Variants in FRAS1 observed in about 807,000 individuals in gnomAD.
The protein encoded by FRAS1 is Fraser extracellular matrix complex subunit 1.
A neutral mutation model predicts 435.2 loss-of-function variants in FRAS1; 290 were observed. That is an observed-to-expected ratio of 0.67 (90% CI 0.61 to 0.73). FRAS1 has a LOEUF of 0.73. Ranked by LOEUF, FRAS1 falls within the 30% of genes least tolerant of loss-of-function variation. FRAS1 has a pLI of 0.00. For synonymous variants in FRAS1, 1,800 were observed against 1,851.0 expected, an observed-to-expected ratio of 0.97 and a Z score of 0.71; for missense variants, 4,860 against 5,001.5, an observed-to-expected ratio of 0.97 and a Z score of 0.85.
At chr4:78,416,652 C>T (rs1325318421) in intron 32 of FRAS1, among the ~76,000 whole-genome samples, 1 of 152,126 alleles carries the variant, frequency 6.6e-6, no homozygotes, top group Admixed American at 6.5e-5. Context: ...AGTGAATTCA[C>T]AGATGTGATA....
intron 2 of FRAS1, among the ~76,000 whole-genome samples, chr4:78,230,381 C>T (rs1408317857): frequency 2.0e-5 from 3 of 152,174 alleles, no homozygotes; most frequent in Non-Finnish European, 2.9e-5. Context: ...CTTTTCTTAG[C>T]GGTAAGTGTC....
chr4:78,540,658 C>G lies in FRAS1; in HGVS notation c.11573C>G (p.Pro3858Arg). 1 of 1,611,780 alleles carries G rather than the reference C, an allele frequency of 6.2e-7. No individual in the cohort carries two copies. Among genetic ancestry groups the G allele is most frequent in the Non-Finnish European group, 8.5e-7 (1 of 1,178,648 alleles). Residue 3858 changes from proline to arginine, a missense_variant, in exon 74 of 74, where the codon CCC becomes CGC. Physicochemically the swap from Pro to Arg is moderately radical, Grantham distance 103 (BLOSUM62 -2). Transcript: ENST00000512123. ...LRRNRRDLVE[P>R]DGQLILDDSL... ...CGCAACCGAAGGGACCTGGTAGAGC[C>G]CGATGGCCAGCTGATCCTTGATGAT... is the stretch of plus-strand genomic sequence containing the variant.
intron 2 of FRAS1, among the ~76,000 whole-genome samples, chr4:78,215,703 C>A (rs1723738201): frequency 6.6e-6 from 1 of 152,172 alleles, no homozygotes; most frequent in South Asian, 2.1e-4. Context: ...TGGAACCATA[C>A]AGCATTTGTC....
intron 9 of FRAS1, among the ~76,000 whole-genome samples, chr4:78,268,324 G>A (rs6834011): frequency 6.6e-6 from 1 of 152,132 alleles, no homozygotes; most frequent in Non-Finnish European, 1.5e-5. Flanking sequence ...CATCGGCAGG[G>A]TTATTTTTCA....
At chr4:78,456,941 T>C (rs1424950987) in intron 47 of FRAS1, among the ~76,000 whole-genome samples, 1 of 152,118 alleles carries the variant, frequency 6.6e-6, no homozygotes, top group Non-Finnish European at 1.5e-5. Context: ...ACAACACAAC[T>C]CTCAACACCT....
chr4:78,143,098 A>G (rs892531323), intron 2 of FRAS1, among the ~76,000 whole-genome samples: 1 of 152,140 alleles, frequency 6.6e-6, no homozygotes, highest in African/African-American at 2.4e-5. Flanking sequence ...ACCTAACTAT[A>G]TGGTGCTTAA....
At chr4:78,308,805 G>C (rs757332801) in intron 15 of FRAS1, among the ~76,000 whole-genome samples, 38 of 152,186 alleles carry the variant, frequency 2.5e-4, no homozygotes, top group African/African-American at 2.7e-4. Flanking sequence ...CATGGCTTTC[G>C]GCACATTAGT....
At chr4:78,315,562 C>T in intron 15 of FRAS1, 32 bp from the exon 16 acceptor site, 1 of 1,591,348 alleles carries the variant, frequency 6.3e-7, no homozygotes, top group Non-Finnish European at 8.6e-7. Flanking sequence ...TCACTATTGC[C>T]TTTCTCTGAT....
chr4:78,256,948 G>T (rs1463910077), intron 6 of FRAS1, among the ~76,000 whole-genome samples: 2 of 152,090 alleles, frequency 1.3e-5, no homozygotes, highest in African/African-American at 4.8e-5. Flanking sequence ...TGGATGTTCT[G>T]ATGATCCAAA....
At chr4:78,255,572 C>A (rs186533004) in intron 6 of FRAS1, among the ~76,000 whole-genome samples, 197 bp downstream of exon 6, 51 of 152,324 alleles carry the variant, frequency 3.3e-4, no homozygotes, top group Admixed American at 1.6e-3. Flanking sequence ...TAATTACCAG[C>A]CACTTAGGCT....
intron 47 of FRAS1, among the ~76,000 whole-genome samples, chr4:78,454,234 A>T (rs79357136): frequency 0.026 from 3,924 of 151,954 alleles, 172 homozygotes; most frequent in African/African-American, 0.09. Flanking sequence ...ATCCTGAGGC[A>T]GGTTCCGTCA....
chr4:78,378,121 T>C (rs1731854667), intron 26 of FRAS1, among the ~76,000 whole-genome samples: 1 of 152,122 alleles, frequency 6.6e-6, no homozygotes, highest in Non-Finnish European at 1.5e-5. Context: ...TCTCCTTCTG[T>C]CTCTAGGTAT....
intron 31 of FRAS1, 114 bp downstream of exon 31, chr4:78,407,955 G>GA: frequency 1.1e-6 from 1 of 886,506 alleles, no homozygotes; most frequent in Non-Finnish European, 1.7e-6. Context: ...ACATTTGGGG[G>GA]ACGTGTTAGT....
chr4:78,457,286 GC>G (rs1719231113), intron 47 of FRAS1, among the ~76,000 whole-genome samples: 1 of 152,184 alleles, frequency 6.6e-6, no homozygotes, highest in South Asian at 2.1e-4. Context: ...TTAGTGCTTA[GC>G]AAAGGCAAAC....
intron 50 of FRAS1, among the ~76,000 whole-genome samples, chr4:78,469,131 A>AT (rs1719628010): frequency 6.6e-6 from 1 of 152,224 alleles, no homozygotes; most frequent in African/African-American, 2.4e-5. Flanking sequence ...ATTTCAGGAT[A>AT]TATCAGCAAG....
At chr4:78,455,669 A>G (rs1463029957) in intron 47 of FRAS1, among the ~76,000 whole-genome samples, 1 of 152,156 alleles carries the variant, frequency 6.6e-6, no homozygotes, top group Non-Finnish European at 1.5e-5. Flanking sequence ...CTTCTTCCCC[A>G]TAGGAGATGT....
chr4:78,215,640 C>T (rs1033485968), intron 2 of FRAS1, among the ~76,000 whole-genome samples: 8 of 152,180 alleles, frequency 5.3e-5, no homozygotes, highest in African/African-American at 1.2e-4. Flanking sequence ...CCTTGGCAAC[C>T]TCCATTCTAT....
rs1282059852 is a variant in FRAS1 at position 78,337,662 on chromosome 4, T to C, written c.2279-12T>C. The C allele has an allele frequency of 5.6e-6, 9 of 1,608,310 alleles. No individual in the cohort carries two copies. The highest frequency in any genetic ancestry group is 1.3e-5 in the African/African-American group (1 of 74,952). ...CTGCTAATTCCAATCCTGGTTTTCG[T>C]CCCCCTGCCAGAGTGTCACCCAACC... On this transcript the variant is annotated splice_polypyrimidine_tract_variant and intron_variant, in intron 19 of 73. Coordinates refer to ENST00000512123, the MANE Select transcript of FRAS1 (RefSeq NM_025074.7).
intron 14 of FRAS1, among the ~76,000 whole-genome samples, chr4:78,289,875 C>G (rs1727802639): frequency 6.6e-6 from 1 of 152,190 alleles, no homozygotes; most frequent in African/African-American, 2.4e-5. Context: ...TCCTGCCTGT[C>G]TCTTTGGTAT....
Sources: allele counts gnomAD v4.1 joint callset (sites outside exome capture counted in the v4.1 genomes callset), GRCh38; gene constraint gnomAD v4.1.1; transcripts MANE v1.5; gene names NCBI Gene and HGNC (gene_info 2026-07-23, HGNC 2026-07-21).